CFAP61: variants seen among roughly 807,000 people sequenced by gnomAD.
The protein encoded by CFAP61 is cilia- and flagella-associated protein 61.
A neutral mutation model predicts 135.6 loss-of-function variants in CFAP61; 107 were observed. That is an observed-to-expected ratio of 0.79 (90% CI 0.67 to 0.93). The LOEUF (loss-of-function observed/expected upper bound fraction) is 0.93, where lower values mean the gene tolerates loss of function less well. CFAP61 is among the 40% of genes least tolerant of loss of function. The probability of loss-of-function intolerance (pLI) is 0.00; values close to 1 mark genes in which losing one functional copy is unlikely to be tolerated. For missense variants in CFAP61, 1,507 were observed against 1,556.2 expected (o/e 0.97, Z 0.53); for synonymous variants, 575 against 578.5 (o/e 0.99, Z 0.09).
intron 8 of CFAP61, among the ~76,000 whole-genome samples, chr20:20,134,351 A>G (rs1295735145): frequency 6.6e-6 from 1 of 152,190 alleles, no homozygotes; most frequent in Non-Finnish European, 1.5e-5. Flanking sequence ...GGGAAAGTAC[A>G]AGTTCAGTGT....
intron 10 of CFAP61, among the ~76,000 whole-genome samples, chr20:20,161,192 T>G (rs2053370539): frequency 6.6e-6 from 1 of 152,054 alleles, no homozygotes. Flanking sequence ...GGACAGCAGT[T>G]TTCTCTCTAA....
intron 8 of CFAP61, among the ~76,000 whole-genome samples, chr20:20,133,648 G>A (rs1177928839): frequency 6.6e-6 from 1 of 152,104 alleles, no homozygotes; most frequent in Non-Finnish European, 1.5e-5. Flanking sequence ...CTTTTGTCAT[G>A]GTCTTCTTTT....
intron 21 of CFAP61, among the ~76,000 whole-genome samples, chr20:20,271,134 T>C (rs1048602857): frequency 6.6e-6 from 1 of 151,578 alleles, no homozygotes; most frequent in African/African-American, 2.4e-5. Flanking sequence ...TCTACAAAAG[T>C]TTTTTTTAAA....
At chr20:20,246,608 C>T (rs935228238) in intron 19 of CFAP61, among the ~76,000 whole-genome samples, 4 of 152,234 alleles carry the variant, frequency 2.6e-5, no homozygotes, top group African/African-American at 9.6e-5. Context: ...TACTCAGCAG[C>T]TGATCAGGCA....
chr20:20,333,176 C>T (rs748917297), intron 25 of CFAP61, among the ~76,000 whole-genome samples: 1 of 152,192 alleles, frequency 6.6e-6, no homozygotes, highest in Non-Finnish European at 1.5e-5. Context: ...CCTACACAAA[C>T]ATATGCAATA....
rs78014076 is a variant in CFAP61 at position 20,253,440 on chromosome 20, A to G, written c.2328+1677A>G. 2,272 of 291,778 alleles carry G rather than the reference A, an allele frequency of 7.8e-3. 36 individuals are homozygous for G. The highest frequency in any genetic ancestry group is 0.041 in the East Asian group (372 of 9,082). The allele number at this position is 291,778 out of a possible 1,614,324, so 18.1% of individuals were successfully genotyped here. ...TCACTGTGGCAGGCAGAGCTCACAC[A>G]TGGGTTAACCTGACCCTGAGCTCTG... On this transcript the variant is annotated intron_variant, in intron 20 of 26. Coordinates refer to ENST00000245957, the MANE Select transcript of CFAP61 (RefSeq NM_015585.4).
intron 26 of CFAP61, among the ~76,000 whole-genome samples, chr20:20,345,786 A>C (rs2058605454): frequency 6.9e-6 from 1 of 145,610 alleles, no homozygotes; most frequent in Non-Finnish European, 1.5e-5. Context: ...GCCAGGCATG[A>C]TGGCAAGTGC....
chr20:20,294,336 C>T (rs1221423470), intron 24 of CFAP61, among the ~76,000 whole-genome samples: 1 of 152,226 alleles, frequency 6.6e-6, no homozygotes, highest in South Asian at 2.1e-4. Flanking sequence ...TAATTTGTGT[C>T]TGAGAAACCC....
intron 7 of CFAP61, among the ~76,000 whole-genome samples, chr20:20,096,534 A>G (rs1474754): frequency 0.8 from 121,504 of 152,306 alleles, 48,857 homozygotes; most frequent in East Asian, 0.99. Flanking sequence ...TTCTTATCAT[A>G]CACATGCAGC....
chr20:20,077,720 G>T (rs2046152577), intron 6 of CFAP61, among the ~76,000 whole-genome samples: 1 of 152,196 alleles, frequency 6.6e-6, no homozygotes, highest in Non-Finnish European at 1.5e-5. Context: ...CAGGTCATAG[G>T]CGGATTCAAA....
At chr20:20,294,998 A>G (rs2055312882) in intron 24 of CFAP61, among the ~76,000 whole-genome samples, 1 of 139,396 alleles carries the variant, frequency 7.2e-6, no homozygotes, top group Non-Finnish European at 1.6e-5. Flanking sequence ...CAACAAGTCC[A>G]TAACAAAAAA....
chr20:20,143,184 G>T (rs568482022), intron 9 of CFAP61, among the ~76,000 whole-genome samples: 1 of 152,324 alleles, frequency 6.6e-6, no homozygotes, highest in East Asian at 1.9e-4. Context: ...AGAACAGAGT[G>T]TCAGCCTTTC....
At chr20:20,097,966 A>G (rs759817347) in intron 7 of CFAP61, among the ~76,000 whole-genome samples, 3 of 152,184 alleles carry the variant, frequency 2.0e-5, no homozygotes, top group Non-Finnish European at 2.9e-5. Flanking sequence ...AGAAGTGTGC[A>G]TGGCAGAGGG....
Position 20,288,783 on chromosome 20 carries a change from G to C in CFAP61, c.2971G>C (p.Glu991Gln), listed in dbSNP as rs114584531. 1 of 1,614,150 alleles carries C rather than the reference G, an allele frequency of 6.2e-7. No homozygotes were observed. The highest frequency in any genetic ancestry group is 8.5e-7 in the Non-Finnish European group (1 of 1,180,036). The change falls in exon 23 of 27, where the codon GAG becomes CAG. Residue 991 changes from glutamate (E) to glutamine (Q), a missense_variant. Physicochemically the swap from Glu to Gln is conservative, Grantham distance 29. Coordinates refer to ENST00000245957, the MANE Select transcript of CFAP61 (RefSeq NM_015585.4). ...TKFSNRYYSN[E>Q]WTHSNFSSKE... ...ATTCTCCAATAGATACTACTCAAAT[G>C]AGTGGACTCACAGCAACTTCAGTTC...
chr20:20,354,733 G>C (rs1254363513), intron 26 of CFAP61, among the ~76,000 whole-genome samples: 6 of 151,454 alleles, frequency 4.0e-5, no homozygotes, highest in Non-Finnish European at 8.8e-5. Flanking sequence ...TGGTCACACT[G>C]TGAGAGAAAA....
At chr20:20,137,399 G>A (rs2051018721) in intron 8 of CFAP61, among the ~76,000 whole-genome samples, 1 of 152,188 alleles carries the variant, frequency 6.6e-6, no homozygotes, top group African/African-American at 2.4e-5. Context: ...CCAGGAGTAG[G>A]AAACCTTAGA....
At chr20:20,310,572 A>T (rs1238206765) in intron 25 of CFAP61, among the ~76,000 whole-genome samples, 1 of 152,180 alleles carries the variant, frequency 6.6e-6, no homozygotes, top group African/African-American at 2.4e-5. Context: ...ATATACTGCC[A>T]GTTATGGGTG....
rs1305833829 is a variant in CFAP61 at position 20,138,458 on chromosome 20, GC to G, written c.860-4397del. ...TGATGCAAATGCTCCCTCTTGGGGT[GC>G]CAGCTGAGTTCTGCCTGGTGTTGAC... On this transcript the variant is annotated intron_variant, in intron 8 of 26. Transcript: ENST00000245957. Among the ~76,000 whole-genome samples, 686 of 152,292 alleles carry G rather than the reference GC, an allele frequency of 4.5e-3. 4 individuals are homozygous for G. The highest frequency in any genetic ancestry group is 0.016 in the African/African-American group (652 of 41,566).
chr20:20,222,666 T>A (rs1035666775), intron 17 of CFAP61, among the ~76,000 whole-genome samples: 3 of 152,224 alleles, frequency 2.0e-5, no homozygotes, highest in African/African-American at 4.8e-5. Context: ...TGAAACTTTT[T>A]AATTATTTTA....
Sources: gnomAD v4.1 joint callset for allele counts (sites outside exome capture counted in the v4.1 genomes callset) on GRCh38, gnomAD v4.1.1 for gene constraint, MANE v1.5 for transcripts, NCBI Gene and HGNC (gene_info 2026-07-23, HGNC 2026-07-21) for gene names.